Variants in CD247 observed in about 807,000 individuals in gnomAD.
The protein encoded by CD247 is T-cell surface glycoprotein CD3 zeta chain.
In CD247, 13 loss-of-function variants were observed where a neutral mutation model predicts 30.0. The observed-to-expected ratio is 0.43, with a 90% CI of 0.28 to 0.69. The LOEUF (loss-of-function observed/expected upper bound fraction) is 0.69. Ranked by LOEUF, CD247 falls within the 30% of genes least tolerant of loss-of-function variation. The pLI is 0.16. For synonymous variants in CD247, 72 were observed against 80.0 expected (o/e 0.90, Z 0.53); for missense variants, 193 against 212.6 (o/e 0.91, Z 0.57).
chr1:167,507,142 C>T (rs1413278342), intron 1 of CD247, among the ~76,000 whole-genome samples: 2 of 151,914 alleles, frequency 1.3e-5, no homozygotes, highest in South Asian at 2.1e-4. Flanking sequence ...TGATCTCAAA[C>T]TCCGGACCCT....
At chr1:167,511,720 A>G (rs1655394373) in intron 1 of CD247, among the ~76,000 whole-genome samples, 1 of 152,164 alleles carries the variant, frequency 6.6e-6, no homozygotes, top group Non-Finnish European at 1.5e-5. Context: ...CTTTGGGTAT[A>G]TGATGGTGTA....
At position 167,438,280 on chromosome 1, in the gene CD247, A is replaced by G. The variant is rs2480679; in HGVS notation, c.300+290T>C. On this transcript the variant is annotated intron_variant, in intron 4 of 7. Coordinates refer to ENST00000362089, the MANE Select transcript of CD247 (RefSeq NM_198053.3). ...CTCTTGGGGCAGATGGCGTCACCGT[A>G]TGTGCATCTCAGGATGGCCAAGGAG... Among the ~76,000 whole-genome samples, 131,322 of 152,232 alleles carry G rather than the reference A, an allele frequency of 0.86. 56,808 individuals carry two copies. Among genetic ancestry groups the G allele is most frequent in the South Asian group, 0.91 (4,387 of 4,826 alleles).
intron 1 of CD247, among the ~76,000 whole-genome samples, chr1:167,464,921 A>G (rs1271382674): frequency 5.9e-5 from 9 of 152,240 alleles, no homozygotes; most frequent in Non-Finnish European, 1.2e-4. Context: ...AACAAAAACA[A>G]AAAACAAATA....
chr1:167,467,493 T>G (rs753966362), intron 1 of CD247, among the ~76,000 whole-genome samples: 2 of 152,218 alleles, frequency 1.3e-5, no homozygotes, highest in Non-Finnish European at 2.9e-5. Context: ...CCTCGGTGAC[T>G]CAGAAGATGA....
chr1:167,512,436 C>CTT (rs1477031834), intron 1 of CD247, among the ~76,000 whole-genome samples: 36 of 152,240 alleles, frequency 2.4e-4, no homozygotes, highest in African/African-American at 8.4e-4. Context: ...ATTAAATGTT[C>CTT]TTTAAAACTT....
intron 1 of CD247, among the ~76,000 whole-genome samples, chr1:167,466,750 TGAGCCCAACAGGCTG>T (rs1653265965): frequency 6.6e-6 from 1 of 152,196 alleles, no homozygotes; most frequent in African/African-American, 2.4e-5. Context: ...CCAGGCAATG[TGAGCCCAACAGGCTG>T]GAGCCCCTTG....
In CD247 at chr1:167,518,115, C is replaced by T. The variant is rs190631776; in HGVS notation, c.58+293G>A. On this transcript the variant is annotated intron_variant, in intron 1 of 7. Coordinates refer to ENST00000362089, the MANE Select transcript of CD247 (RefSeq NM_198053.3). ...CTCCGTTTCTCTACCCTGGGCCTGC[C>T]TCGGTTGCTCTCTTGCTTCCTTCTT... is the stretch of plus-strand genomic sequence containing the variant. Among the ~76,000 whole-genome samples, 8 of 152,288 alleles carry T rather than the reference C, an allele frequency of 5.3e-5. No individual in the cohort carries two copies. The East Asian group carries it at 1.5e-3, about 29-fold the overall frequency.
In CD247 at chr1:167,431,193, C is replaced by G; in HGVS notation, c.*488G>C. ...TCTGCCCCTCTGCCCGGCCCTCTCA[C>G]CAGGGAGGCACAACATGGCCCAGTA... is the stretch of plus-strand genomic sequence containing the variant. On this transcript the variant is annotated 3_prime_UTR_variant, in exon 8 of 8. Coordinates refer to ENST00000362089, the MANE Select transcript of CD247 (RefSeq NM_198053.3). 1 of 424,572 alleles carries G rather than the reference C, an allele frequency of 2.4e-6. No homozygotes were observed. The highest frequency in any genetic ancestry group is 4.2e-6 in the Non-Finnish European group (1 of 240,224). The allele number at this position is 424,572 out of a possible 1,614,324, so 26.3% of individuals were successfully genotyped here.
At chr1:167,492,907 A>G (rs975323785) in intron 1 of CD247, among the ~76,000 whole-genome samples, 2 of 152,216 alleles carry the variant, frequency 1.3e-5, no homozygotes, top group South Asian at 2.1e-4. Context: ...GAGGCAGGAA[A>G]GGGGCTGAGT....
At chr1:167,450,113 G>A (rs569935059) in intron 1 of CD247, among the ~76,000 whole-genome samples, 1 of 152,064 alleles carries the variant, frequency 6.6e-6, no homozygotes, top group African/African-American at 2.4e-5. Context: ...GTGCTCATTT[G>A]TTTCCAATTT....
chr1:167,476,014 G>T (rs1270441596), intron 1 of CD247, among the ~76,000 whole-genome samples: 2 of 152,084 alleles, frequency 1.3e-5, no homozygotes, highest in Non-Finnish European at 2.9e-5. Context: ...TCTTTAAAGG[G>T]TGCTTATCTT....
intron 1 of CD247, 91 bp downstream of exon 1, chr1:167,518,317 C>T: frequency 8.3e-7 from 1 of 1,209,630 alleles, no homozygotes; most frequent in Non-Finnish European, 1.2e-6. Context: ...GAGACCCCAG[C>T]CCCTCACCAC....
chr1:167,499,001 G>A (rs1338025916), intron 1 of CD247, among the ~76,000 whole-genome samples: 1 of 152,168 alleles, frequency 6.6e-6, no homozygotes, highest in African/African-American at 2.4e-5. Context: ...CTTAGCAGTG[G>A]ATCAATTGCC....
intron 1 of CD247, among the ~76,000 whole-genome samples, chr1:167,500,590 C>T (rs1654859014): frequency 6.6e-6 from 1 of 152,084 alleles, no homozygotes; most frequent in South Asian, 2.1e-4. Flanking sequence ...ATTACCACCC[C>T]CCTACACACA....
intron 1 of CD247, among the ~76,000 whole-genome samples, chr1:167,455,280 C>A (rs553793157): frequency 1.1e-4 from 16 of 152,366 alleles, no homozygotes; most frequent in Admixed American, 8.5e-4. Flanking sequence ...CCTGGCCTCC[C>A]CGCGTCCGGC....
intron 1 of CD247, among the ~76,000 whole-genome samples, chr1:167,449,751 T>C (rs1034450208): frequency 6.6e-6 from 1 of 151,928 alleles, no homozygotes; most frequent in African/African-American, 2.4e-5. Context: ...GGTGAAACCC[T>C]CTCTCTACTA....
chr1:167,503,429 A>G (rs1654993094), intron 1 of CD247, among the ~76,000 whole-genome samples: 1 of 152,206 alleles, frequency 6.6e-6, no homozygotes, highest in Admixed American at 6.5e-5. Context: ...AGATGCCAAG[A>G]GGGGTGAAAT....
intron 1 of CD247, among the ~76,000 whole-genome samples, chr1:167,512,243 AG>A (rs1655416588): frequency 1.3e-5 from 2 of 152,296 alleles, no homozygotes; most frequent in East Asian, 3.9e-4. Context: ...CACAAGCAGA[AG>A]GGATGGACTT....
chr1:167,503,540 AC>A (rs1654998659), intron 1 of CD247, among the ~76,000 whole-genome samples: 1 of 152,240 alleles, frequency 6.6e-6, no homozygotes, highest in African/African-American at 2.4e-5. Context: ...CTGCACTTAA[AC>A]AACAACAAAC....
Sources: gnomAD v4.1 joint callset for allele counts (sites outside exome capture counted in the v4.1 genomes callset) on GRCh38, gnomAD v4.1.1 for gene constraint, MANE v1.5 for transcripts, NCBI Gene and HGNC (gene_info 2026-07-23, HGNC 2026-07-21) for gene names.